BMX: variants seen among roughly 807,000 people sequenced by gnomAD.
BMX encodes the protein BMX non-receptor tyrosine kinase.
BMX carries 31 observed loss-of-function variants against 59.2 expected under a neutral mutation model. The observed-to-expected ratio is 0.52, with a 90% CI of 0.39 to 0.71. The LOEUF (loss-of-function observed/expected upper bound fraction) is 0.71. BMX is among the 30% of genes least tolerant of loss of function. The pLI is 0.00. For synonymous variants in BMX, 185 were observed against 181.0 expected (o/e 1.02, Z -0.18); for missense variants, 474 against 491.7 (o/e 0.96, Z 0.34).
chrX:15,507,280 T>C (rs1923775949), intron 1 of BMX: 4 of 709,150 alleles, frequency 5.6e-6, no homozygotes, highest in Non-Finnish European at 6.7e-6. Context: ...ATATCTTCTT[T>C]TTAATGCATG....
chrX:15,503,319 A>T (rs1923634287), intron 1 of BMX, among the ~76,000 whole-genome samples: 1 of 112,598 alleles, frequency 8.9e-6, no homozygotes, highest in Admixed American at 9.4e-5. Flanking sequence ...GGAGATTCCT[A>T]TCGAAAGATT....
At chrX:15,550,664 TTACACACACACA>T in intron 18 of BMX, among the ~76,000 whole-genome samples, 1 of 54,912 alleles carries the variant, frequency 1.8e-5, no homozygotes, top group South Asian at 1.2e-3. Flanking sequence ...CTCAAAGTCT[TTACACACACACA>T]CACACACACA....
At chrX:15,519,173 G>T (rs1377710506) in intron 6 of BMX, among the ~76,000 whole-genome samples, 2 of 111,485 alleles carry the variant, frequency 1.8e-5, no homozygotes, top group Non-Finnish European at 3.8e-5. Context: ...GCTTCCCATT[G>T]GTTCTCTGGA....
intron 1 of BMX, 58 bp from the exon 2 acceptor site, chrX:15,508,287 T>C (rs1362829855): frequency 9.3e-6 from 8 of 864,305 alleles, no homozygotes; most frequent in Non-Finnish European, 1.1e-5. Context: ...GATATGAAGG[T>C]TAAAGAGAAC....
chrX:15,556,030 T>G, intron 18 of BMX, 43 bp from the exon 19 acceptor site: 2 of 1,107,071 alleles, frequency 1.8e-6, no homozygotes, highest in Non-Finnish European at 2.5e-6. Flanking sequence ...TGATCATAAC[T>G]CTCATCATCT....
At position 15,543,107 on chromosome X, in the gene BMX, G is replaced by A. The variant is rs1412977050; in HGVS notation, c.1648G>A (p.Val550Met). The A allele has an allele frequency of 8.3e-7, 1 of 1,208,589 alleles. No individual in the cohort carries two copies. The highest frequency in any genetic ancestry group is 1.1e-6 in the Non-Finnish European group (1 of 893,788). Residue 550 changes from valine (V) to methionine (M), a missense_variant, in exon 16 of 19, where the codon GTG (valine) becomes ATG (methionine). Val to Met is a conservative substitution (Grantham distance 21). Coordinates refer to ENST00000348343, the MANE Select transcript of BMX (RefSeq NM_203281.3). ...RNCLVDRDLCVKVSDFGMTRY... is the reference protein window; with the variant it reads ...RNCLVDRDLCMKVSDFGMTRY... The stretch of plus-strand genomic sequence containing the variant: ...CTGCTTGGTGGACAGAGATCTCTGT[G>A]TGAAAGTATCTGACTTTGGAATGAC...
chrX:15,512,859 T>A (rs972955604), intron 4 of BMX, among the ~76,000 whole-genome samples: 2 of 112,061 alleles, frequency 1.8e-5, no homozygotes, highest in African/African-American at 6.5e-5. Context: ...TGGTGGAATT[T>A]CCTGAGCGGT....
intron 18 of BMX, among the ~76,000 whole-genome samples, chrX:15,553,726 C>A (rs1926302475): frequency 8.9e-6 from 1 of 111,953 alleles, no homozygotes; most frequent in African/African-American, 3.3e-5. Flanking sequence ...TGGTCACAGC[C>A]AGGCTGACTT....
intron 14 of BMX, 54 bp downstream of exon 14, chrX:15,537,359 C>A (rs1213678886): frequency 7.8e-6 from 9 of 1,158,199 alleles, no homozygotes; most frequent in Non-Finnish European, 1.1e-5. Context: ...AGGGCATTAG[C>A]ACTAATAGGC....
intron 11 of BMX, among the ~76,000 whole-genome samples, chrX:15,532,573 T>C (rs1251366488): frequency 8.9e-6 from 1 of 112,247 alleles, no homozygotes; most frequent in Non-Finnish European, 1.9e-5. Flanking sequence ...TCTTTTAAAT[T>C]TCTATGTGTG....
At chrX:15,510,839 T>C (rs1173159263) in intron 3 of BMX, among the ~76,000 whole-genome samples, 1 of 112,481 alleles carries the variant, frequency 8.9e-6, no homozygotes, top group Non-Finnish European at 1.9e-5. Context: ...GAGAAGATAT[T>C]GTAATCTTCA....
intron 15 of BMX, 119 bp from the exon 16 acceptor site, chrX:15,542,952 C>A: frequency 1.6e-6 from 1 of 626,142 alleles, no homozygotes; most frequent in Admixed American, 2.9e-5. Flanking sequence ...AACTTTAGAG[C>A]ACTTGGGGGT....
At chrX:15,544,981 T>A (rs1163862152) in intron 16 of BMX, among the ~76,000 whole-genome samples, 2 of 112,163 alleles carry the variant, frequency 1.8e-5, no homozygotes, top group Non-Finnish European at 3.8e-5. Flanking sequence ...CCTGTTGTTC[T>A]ATTTTCTCTA....
At chrX:15,554,698 T>C (rs1926346343) in intron 18 of BMX, among the ~76,000 whole-genome samples, 2 of 111,793 alleles carry the variant, frequency 1.8e-5, no homozygotes, top group Non-Finnish European at 3.8e-5. Context: ...CCATTTATGT[T>C]TCTGATATAG....
intron 16 of BMX, among the ~76,000 whole-genome samples, chrX:15,546,147 T>C (rs1480647263): frequency 8.9e-6 from 1 of 112,502 alleles, no homozygotes; most frequent in Non-Finnish European, 1.9e-5. Context: ...GAGGTTGCTT[T>C]CATTTTATCA....
chrX:15,513,360 T>C (rs917384782), intron 4 of BMX, among the ~76,000 whole-genome samples: 1 of 111,828 alleles, frequency 8.9e-6, no homozygotes, highest in African/African-American at 3.3e-5. Flanking sequence ...TGATGGCCAT[T>C]GATGTGTACA....
Position 15,516,168 on chromosome X carries a change from G to T in BMX, c.382G>T (p.Gly128Trp), listed in dbSNP as rs149800709. The change falls in exon 5 of 19, where the codon GGG becomes TGG. Residue 128 changes from glycine to tryptophan, a missense_variant. Gly to Trp is a radical substitution (Grantham distance 184). Transcript: ENST00000348343. ...VKYHSGFFVDGKFLCCQQSCK... is the reference protein window; with the variant it reads ...VKYHSGFFVDWKFLCCQQSCK... ...GTACCATAGTGGGTTCTTCGTGGAC[G>T]GGAAGTTCCTGTGTTGCCAGCAGAG... 3 of 1,210,002 alleles carry T rather than the reference G, an allele frequency of 2.5e-6. No homozygotes were observed. The highest frequency in any genetic ancestry group is 3.4e-6 in the Non-Finnish European group (3 of 894,850).
intron 4 of BMX, among the ~76,000 whole-genome samples, chrX:15,515,648 G>A (rs1171559072): frequency 8.9e-6 from 1 of 111,839 alleles, no homozygotes; most frequent in African/African-American, 3.2e-5. Flanking sequence ...TCTTATTCTT[G>A]CAACTTTTCT....
intron 14 of BMX, 54 bp from the exon 15 acceptor site, chrX:15,541,928 A>G (rs1371847297): frequency 8.5e-6 from 9 of 1,060,334 alleles, no homozygotes; most frequent in Non-Finnish European, 1.0e-5. Context: ...CTTTTTCAGT[A>G]CATGTAGAAA....
Sources: gnomAD v4.1 joint callset for allele counts (sites outside exome capture counted in the v4.1 genomes callset) on GRCh38, gnomAD v4.1.1 for gene constraint, MANE v1.5 for transcripts, NCBI Gene and HGNC (gene_info 2026-07-23, HGNC 2026-07-21) for gene names.